Variants in NRXN3 observed in about 807,000 individuals in gnomAD.
NRXN3 encodes the protein neurexin 3.
A neutral mutation model predicts 137.6 loss-of-function variants in NRXN3; 32 were observed. The ratio of observed to expected loss-of-function variants is 0.23; its 90% CI spans 0.18 to 0.31. NRXN3 has a LOEUF of 0.31. Among genes scored for constraint, NRXN3 ranks in the 10% least tolerant of loss-of-function variants. NRXN3 has a pLI of 1.00. For missense variants in NRXN3, 1,574 were observed against 2,062.5 expected, an observed-to-expected ratio of 0.76 and a Z score of 4.59; for synonymous variants, 798 against 784.5, an observed-to-expected ratio of 1.02 and a Z score of -0.29.
At chr14:79,199,039 C>A (rs550442384) in intron 15 of NRXN3, among the ~76,000 whole-genome samples, 2 of 152,088 alleles carry the variant, frequency 1.3e-5, no homozygotes, top group South Asian at 2.1e-4. Context: ...TGGTGACATG[C>A]GCCTGTAGTC....
At chr14:79,509,431 G>T (rs887723884) in intron 16 of NRXN3, among the ~76,000 whole-genome samples, 1 of 151,974 alleles carries the variant, frequency 6.6e-6, no homozygotes, top group South Asian at 2.1e-4. Flanking sequence ...CAGGAGAATG[G>T]CTTGAACTCA....
intron 4 of NRXN3, among the ~76,000 whole-genome samples, chr14:78,454,299 T>TA (rs113325277): frequency 0.1 from 15,331 of 147,400 alleles, 1,446 homozygotes; most frequent in African/African-American, 0.26. Context: ...CCTGATAACT[T>TA]AAAAAAAAAA....
At chr14:78,703,009 T>C (rs2098303644) in intron 6 of NRXN3, among the ~76,000 whole-genome samples, 1 of 152,166 alleles carries the variant, frequency 6.6e-6, no homozygotes, top group Admixed American at 6.5e-5. Flanking sequence ...ACACAGTTGG[T>C]AAGGTGTCCA....
intron 4 of NRXN3, among the ~76,000 whole-genome samples, chr14:78,497,841 A>C (rs73320490): frequency 0.033 from 5,082 of 152,290 alleles, 241 homozygotes; most frequent in East Asian, 0.1. Context: ...CTTCCTCTGT[A>C]GGATGAGAAT....
chr14:79,067,968 T>C (rs2099682841), intron 15 of NRXN3, among the ~76,000 whole-genome samples: 1 of 152,040 alleles, frequency 6.6e-6, no homozygotes, highest in South Asian at 2.1e-4. Flanking sequence ...GACATGAGGC[T>C]ATGAATATGT....
At chr14:79,197,668 C>A (rs1358206340) in intron 15 of NRXN3, among the ~76,000 whole-genome samples, 1 of 152,068 alleles carries the variant, frequency 6.6e-6, no homozygotes. Context: ...CCAAGCCAGG[C>A]ATCCGCTTGG....
At chr14:79,197,406 G>A (rs1179072055) in intron 15 of NRXN3, among the ~76,000 whole-genome samples, 1 of 152,166 alleles carries the variant, frequency 6.6e-6, no homozygotes, top group African/African-American at 2.4e-5. Flanking sequence ...TAATAAGAGT[G>A]TGGTTCTCAG....
chr14:78,744,600 G>A (rs150700684), intron 8 of NRXN3: 1 of 152,194 alleles, frequency 6.6e-6, no homozygotes, highest in African/African-American at 2.4e-5. Context: ...GGGTTTTTAG[G>A]CTTGAGGAGG....
intron 2 of NRXN3, among the ~76,000 whole-genome samples, chr14:78,251,333 G>T (rs186812579): frequency 4.6e-4 from 70 of 152,328 alleles, no homozygotes; most frequent in Non-Finnish European, 8.5e-4. Flanking sequence ...GTGAGAGGGG[G>T]AGATGATTAC....
chr14:78,606,742 T>G (rs1486395840), intron 4 of NRXN3, among the ~76,000 whole-genome samples: 3 of 152,186 alleles, frequency 2.0e-5, no homozygotes, highest in African/African-American at 7.2e-5. Context: ...TCAGGGGGCA[T>G]GTTTGGTTTA....
intron 8 of NRXN3, among the ~76,000 whole-genome samples, chr14:78,783,875 A>G (rs1270584629): frequency 2.0e-5 from 3 of 152,154 alleles, no homozygotes; most frequent in Non-Finnish European, 4.4e-5. Context: ...GAGCACAGGT[A>G]GCACTCAGGA....
chr14:78,946,773 A>C (rs2099366111), intron 10 of NRXN3, among the ~76,000 whole-genome samples: 1 of 152,168 alleles, frequency 6.6e-6, no homozygotes, highest in African/African-American at 2.4e-5. Context: ...CTGTTTGCCA[A>C]CATAGTCGGT....
chr14:79,841,888 C>T (rs906664186), intron 20 of NRXN3, among the ~76,000 whole-genome samples: 6 of 152,294 alleles, frequency 3.9e-5, no homozygotes, highest in East Asian at 1.9e-4. Flanking sequence ...CTAACTAGGA[C>T]TCAGGGAAAT....
intron 2 of NRXN3, among the ~76,000 whole-genome samples, chr14:78,272,233 T>G (rs968577393): frequency 6.6e-6 from 1 of 152,148 alleles, no homozygotes; most frequent in Non-Finnish European, 1.5e-5. Flanking sequence ...AAGGCCCTCA[T>G]GCACGTTTAT....
chr14:79,160,152 C>T (rs2060623620), intron 15 of NRXN3, among the ~76,000 whole-genome samples: 1 of 151,802 alleles, frequency 6.6e-6, no homozygotes, highest in South Asian at 2.1e-4. Flanking sequence ...ATGAAATGGC[C>T]TCATTTCAAA....
chr14:78,484,995 G>A (rs1304978130), intron 4 of NRXN3, among the ~76,000 whole-genome samples: 1 of 152,156 alleles, frequency 6.6e-6, no homozygotes, highest in South Asian at 2.1e-4. Context: ...GATGGGCTCA[G>A]TCACCCTTAT....
intron 15 of NRXN3, among the ~76,000 whole-genome samples, chr14:79,391,165 C>A (rs939815784): frequency 1.3e-5 from 2 of 151,306 alleles, no homozygotes; most frequent in Non-Finnish European, 2.9e-5. Context: ...GAATGGCCTA[C>A]ATTAAAAAAA....
chr14:79,018,303 G>A (rs1220261468), intron 15 of NRXN3, among the ~76,000 whole-genome samples: 2 of 112,310 alleles, frequency 1.8e-5, no homozygotes, highest in African/African-American at 6.9e-5. Context: ...AAAAGAGAGA[G>A]AGCAAGAAGA....
chr14:78,736,624 C>T (rs2098542318), intron 8 of NRXN3, among the ~76,000 whole-genome samples: 1 of 152,166 alleles, frequency 6.6e-6, no homozygotes, highest in Non-Finnish European at 1.5e-5. Context: ...GTAATAAGGA[C>T]TATTATTCCC....
Sources: allele counts gnomAD v4.1 joint callset (sites outside exome capture counted in the v4.1 genomes callset), GRCh38; gene constraint gnomAD v4.1.1; transcripts MANE v1.5; gene names NCBI Gene and HGNC (gene_info 2026-07-23, HGNC 2026-07-21).